Variants in WDR49 observed in about 807,000 individuals in gnomAD.
The protein encoded by WDR49 is WD repeat domain 49, also known as cilia- and flagella-associated protein 337.
Under a neutral mutation model 119.5 loss-of-function variants are expected in WDR49, and 107 were observed. The ratio of observed to expected loss-of-function variants is 0.90; its 90% CI spans 0.77 to 1.05. The LOEUF is 1.05. Ranked by LOEUF, WDR49 falls within the 50% of genes least tolerant of loss-of-function variation. The pLI is 0.00. For synonymous variants in WDR49, 425 were observed against 418.8 expected (o/e 1.01, Z -0.18); for missense variants, 1,240 against 1,220.5 (o/e 1.02, Z -0.24).
chr3:167,577,418 A>G (rs2108285140), intron 7 of WDR49, among the ~76,000 whole-genome samples: 1 of 152,268 alleles, frequency 6.6e-6, no homozygotes, highest in Non-Finnish European at 1.5e-5. Flanking sequence ...AAAATCAAAA[A>G]TCACCACAGG....
chr3:167,482,265 A>G (rs1381878106), intron 18 of WDR49, among the ~76,000 whole-genome samples: 1 of 152,216 alleles, frequency 6.6e-6, no homozygotes, highest in Non-Finnish European at 1.5e-5. Context: ...TAAGCTAAGA[A>G]TATTACATAC....
intron 8 of WDR49, among the ~76,000 whole-genome samples, chr3:167,566,584 G>A (rs1713613347): frequency 6.6e-6 from 1 of 152,068 alleles, no homozygotes. Flanking sequence ...AGTTTACGCT[G>A]CAACAACATG....
chr3:167,526,673 C>G (rs750843063), intron 15 of WDR49, among the ~76,000 whole-genome samples: 1 of 152,164 alleles, frequency 6.6e-6, no homozygotes, highest in Non-Finnish European at 1.5e-5. Flanking sequence ...AGACTGTCGT[C>G]TAGCCAATGT....
intron 8 of WDR49, among the ~76,000 whole-genome samples, chr3:167,563,133 G>A (rs1713369512): frequency 6.6e-6 from 1 of 152,082 alleles, no homozygotes; most frequent in South Asian, 2.1e-4. Flanking sequence ...TTGGAAGGCC[G>A]AGGCGGGCAG....
At position 167,555,903 on chromosome 3, in the gene WDR49, C is replaced by T. The variant is rs747238780; in HGVS notation, c.1675-1105G>A. Among the ~76,000 whole-genome samples the T allele has an allele frequency of 1.8e-4, 27 of 152,156 alleles. 1 individual carries two copies. The highest frequency in any genetic ancestry group is 1.2e-3 in the Admixed American group (19 of 15,280). Reference sequence around the variant, plus strand: ...CCTAAATGATACAGTCTACTACACACCTAGACTATATGGTATAGCCTATTG... The same window carrying T: ...CCTAAATGATACAGTCTACTACACATCTAGACTATATGGTATAGCCTATTG... On this transcript the variant is annotated intron_variant, in intron 9 of 18. Transcript: ENST00000682715.
intron 18 of WDR49, among the ~76,000 whole-genome samples, chr3:167,495,357 TG>T (rs1380235643): frequency 6.7e-6 from 1 of 149,888 alleles, no homozygotes; most frequent in South Asian, 2.1e-4. Context: ...TATATAAATA[TG>T]TGTGTATATA....
intron 8 of WDR49, among the ~76,000 whole-genome samples, chr3:167,568,096 T>A (rs907683757): frequency 3.9e-5 from 6 of 152,176 alleles, no homozygotes; most frequent in African/African-American, 1.4e-4. Context: ...TTAATAAACA[T>A]CCTTTGTGGC....
chr3:167,570,245 T>C (rs1426200200), intron 8 of WDR49, among the ~76,000 whole-genome samples: 1 of 152,238 alleles, frequency 6.6e-6, no homozygotes, highest in East Asian at 1.9e-4. Flanking sequence ...TTGCACTAAA[T>C]GTAAGCCCTG....
intron 2 of WDR49, among the ~76,000 whole-genome samples, chr3:167,647,615 G>A (rs977762489): frequency 3.3e-5 from 5 of 152,202 alleles, no homozygotes; most frequent in African/African-American, 9.6e-5. Flanking sequence ...TCACCTTAAT[G>A]TTTTCTGCTG....
chr3:167,639,895 C>T (rs1986640), intron 2 of WDR49, among the ~76,000 whole-genome samples: 53,947 of 151,506 alleles, frequency 0.36, 11,345 homozygotes, highest in African/African-American at 0.6. Context: ...CACTAATGGA[C>T]AGGGCAGAAT....
At chr3:167,587,922 C>A (rs940393094) in intron 7 of WDR49, among the ~76,000 whole-genome samples, 1 of 152,110 alleles carries the variant, frequency 6.6e-6, no homozygotes, top group Admixed American at 6.6e-5. Flanking sequence ...GTAGCTATCA[C>A]CTCAAGCATT....
intron 18 of WDR49, among the ~76,000 whole-genome samples, chr3:167,484,238 G>A (rs964340686): frequency 1.1e-4 from 17 of 152,012 alleles, no homozygotes; most frequent in East Asian, 1.9e-4. Context: ...AGATTATCCC[G>A]GATTATCTGG....
intron 2 of WDR49, among the ~76,000 whole-genome samples, chr3:167,627,626 GA>G (rs1313853114): frequency 2.0e-5 from 3 of 152,026 alleles, no homozygotes; most frequent in African/African-American, 7.2e-5. Context: ...ATTTAAGCTA[GA>G]AAAGGCAAGG....
chr3:167,570,277 G>A (rs981880991), intron 8 of WDR49, among the ~76,000 whole-genome samples: 5 of 152,156 alleles, frequency 3.3e-5, no homozygotes, highest in Non-Finnish European at 4.4e-5. Flanking sequence ...TGTCTTGTAC[G>A]ATGGAGATAA....
intron 5 of WDR49, among the ~76,000 whole-genome samples, chr3:167,614,066 A>T (rs1156302804): frequency 6.6e-6 from 1 of 152,108 alleles, no homozygotes; most frequent in Non-Finnish European, 1.5e-5. Context: ...TTTGTTGCTG[A>T]CAATTTCATG....
chr3:167,533,048 G>T, intron 11 of WDR49, 71 bp from the exon 12 acceptor site: 1 of 1,141,806 alleles, frequency 8.8e-7, no homozygotes. Context: ...ACAGCAATCA[G>T]AAGAAGTTAT....
At chr3:167,536,220 G>T (rs1017384882) in intron 11 of WDR49, among the ~76,000 whole-genome samples, 2 of 151,948 alleles carry the variant, frequency 1.3e-5, no homozygotes, top group Non-Finnish European at 2.9e-5. Flanking sequence ...CTAGAAAAAA[G>T]ATTTTTTAAT....
chr3:167,585,976 G>GT (rs537154579), intron 7 of WDR49, among the ~76,000 whole-genome samples: 281 of 152,156 alleles, frequency 1.8e-3, no homozygotes, highest in African/African-American at 6.4e-3. Context: ...AAAATCCTTT[G>GT]TTTCTGGATG....
intron 8 of WDR49, among the ~76,000 whole-genome samples, chr3:167,572,354 A>G (rs1380617667): frequency 6.6e-6 from 1 of 152,242 alleles, no homozygotes; most frequent in Non-Finnish European, 1.5e-5. Flanking sequence ...AAATGTTCCA[A>G]GCTGCTTTTA....
Sources: gnomAD v4.1 joint callset for allele counts (sites outside exome capture counted in the v4.1 genomes callset) on GRCh38, gnomAD v4.1.1 for gene constraint, MANE v1.5 for transcripts, NCBI Gene and HGNC (gene_info 2026-07-23, HGNC 2026-07-21) for gene names.